The following CES5A variants were observed in gnomAD, a reference collection of about 807,000 sequenced individuals.
CES5A encodes the protein carboxylesterase 5.
Under a neutral mutation model 62.9 loss-of-function variants are expected in CES5A, and 67 were observed. The observed-to-expected ratio is 1.07, with a 90% CI of 0.88 to 1.31. CES5A has a LOEUF of 1.31. CES5A is among the 50% of genes most tolerant of loss of function. The pLI is 0.00. For synonymous variants in CES5A, 296 were observed against 280.8 expected (o/e 1.05, Z -0.54); for missense variants, 748 against 708.5 (o/e 1.06, Z -0.63).
At chr16:55,852,402 T>A (rs1427048246) in intron 10 of CES5A, among the ~76,000 whole-genome samples, 7 of 152,252 alleles carry the variant, frequency 4.6e-5, no homozygotes, top group African/African-American at 1.7e-4. Context: ...ACATATGGTT[T>A]ATTCTGGAAG....
intron 2 of CES5A, among the ~76,000 whole-genome samples, chr16:55,945,022 T>G (rs767245108): frequency 6.6e-6 from 1 of 152,216 alleles, no homozygotes; most frequent in Non-Finnish European, 1.5e-5. Flanking sequence ...CACTCAAGTT[T>G]TCTCTTCTTC....
intron 2 of CES5A, among the ~76,000 whole-genome samples, chr16:55,934,803 C>A (rs1323270217): frequency 6.6e-6 from 1 of 152,154 alleles, no homozygotes; most frequent in African/African-American, 2.4e-5. Context: ...AATCTGGGGG[C>A]CCCAGAGAGC....
chr16:55,953,763 C>T (rs916708821), intron 1 of CES5A, among the ~76,000 whole-genome samples: 1 of 151,954 alleles, frequency 6.6e-6, no homozygotes, highest in Non-Finnish European at 1.5e-5. Flanking sequence ...TATTATGGGA[C>T]ATAGTAGATG....
chr16:55,912,131 C>T (rs1485185529), intron 1 of CES5A, among the ~76,000 whole-genome samples: 2 of 152,152 alleles, frequency 1.3e-5, no homozygotes, highest in Non-Finnish European at 2.9e-5. Context: ...GCCTGACTGT[C>T]GGCATGCAGG....
In CES5A at chr16:55,866,028, C is replaced by T. The variant is rs758817357; in HGVS notation, c.640G>A (p.Gly214Ser). 1.0e-4 allele frequency: 167 copies of T among 1,614,064 alleles called. 1 individual carries two copies. Among genetic ancestry groups the T allele is most frequent in the Admixed American group, 5.2e-4 (31 of 60,002 alleles). ...SWVQKNIEFFGGDPSSVTIFG... is the reference protein window; with the variant it reads ...SWVQKNIEFFSGDPSSVTIFG... ...ATGGTCACAGAGCTGGGGTCCCCACCGAAGAACTCGATGTTCTTCTGGACC... is the reference window on the plus strand; with the variant it reads ...ATGGTCACAGAGCTGGGGTCCCCACTGAAGAACTCGATGTTCTTCTGGACC... Residue 214 changes from glycine to serine, a missense_variant, in exon 5 of 13, where the codon GGT (glycine) becomes AGT (serine). Transcript: ENST00000290567.
chr16:55,869,783 C>T lies in CES5A; in HGVS notation c.418-39G>A, dbSNP rs370935298. ...AAGAGCATCCAGTCAGCCCACCAGG[C>T]ACCACCTCCCCTCCCCATGCAGTTT... On this transcript the variant is annotated intron_variant, in intron 3 of 12. Coordinates refer to ENST00000290567, the MANE Select transcript of CES5A (RefSeq NM_001143685.2). 730 of 1,566,678 alleles carry T rather than the reference C, an allele frequency of 4.7e-4. 2 individuals are homozygous for T. The highest frequency in any genetic ancestry group is 6.1e-4 in the Non-Finnish European group (703 of 1,152,918).
At chr16:55,869,077 A>C (rs2033528247) in intron 4 of CES5A, among the ~76,000 whole-genome samples, 1 of 152,190 alleles carries the variant, frequency 6.6e-6, no homozygotes, top group Non-Finnish European at 1.5e-5. Flanking sequence ...GCTCAGGTAG[A>C]CACCACCGAC....
At chr16:55,849,578 A>G (rs2033085435) in intron 11 of CES5A, 46 bp downstream of exon 11, 1 of 1,601,608 alleles carries the variant, frequency 6.2e-7, no homozygotes, top group Non-Finnish European at 8.5e-7. Context: ...GTGGTGGGGT[A>G]AGCAAGGGGC....
At chr16:55,853,068 A>G (rs759121650) in intron 9 of CES5A, 40 bp from the exon 10 acceptor site, 2 of 1,604,156 alleles carry the variant, frequency 1.2e-6, no homozygotes, top group Non-Finnish European at 1.7e-6. Flanking sequence ...CAGGTCAACC[A>G]CAATGGCCAA....
chr16:55,936,934 G>A (rs1018088179), intron 2 of CES5A, among the ~76,000 whole-genome samples: 6 of 152,228 alleles, frequency 3.9e-5, no homozygotes, highest in Admixed American at 3.3e-4. Context: ...TGGTGAGGGA[G>A]CATTATAATT....
chr16:55,902,853 G>T (rs1050243171), intron 1 of CES5A, among the ~76,000 whole-genome samples: 2 of 152,188 alleles, frequency 1.3e-5, no homozygotes, highest in Non-Finnish European at 2.9e-5. Context: ...GAAGGATGTG[G>T]GGTAGTGAAG....
chr16:55,857,220 G>T (rs2033260592), intron 8 of CES5A, among the ~76,000 whole-genome samples: 2 of 152,182 alleles, frequency 1.3e-5, no homozygotes, highest in Admixed American at 1.3e-4. Context: ...CCTGCCTCAG[G>T]CTCCTCATCT....
chr16:55,856,305 G>T, intron 9 of CES5A, 72 bp downstream of exon 9: 2 of 1,409,238 alleles, frequency 1.4e-6, no homozygotes, highest in Non-Finnish European at 2.0e-6. Context: ...GGCTTCTCCT[G>T]CTGAGTGTGA....
intron 2 of CES5A, among the ~76,000 whole-genome samples, chr16:55,941,381 C>T (rs1306722395): frequency 2.0e-5 from 3 of 151,956 alleles, no homozygotes; most frequent in African/African-American, 7.2e-5. Flanking sequence ...CAATGTCATT[C>T]ACAATACCCC....
chr16:55,848,755 G>A (rs1265366638), intron 11 of CES5A, among the ~76,000 whole-genome samples: 4 of 152,138 alleles, frequency 2.6e-5, no homozygotes, highest in Admixed American at 2.0e-4. Flanking sequence ...ACTTTTTCCA[G>A]TTTAGGGAGT....
chr16:55,875,487 G>A (rs1195267141), upstream of CES5A: 3 of 724,926 alleles, frequency 4.1e-6, no homozygotes, highest in Non-Finnish European at 6.1e-6. Context: ...CTTCCGGGAT[G>A]GGGGAAACAG....
chr16:55,903,457 T>C (rs1162788293), intron 1 of CES5A, among the ~76,000 whole-genome samples: 10 of 152,368 alleles, frequency 6.6e-5, no homozygotes, highest in African/African-American at 2.2e-4. Context: ...TCTGGTCTTG[T>C]TTCTGCCATT....
At chr16:55,922,306 C>T (rs1301096708) in intron 1 of CES5A, among the ~76,000 whole-genome samples, 2 of 151,798 alleles carry the variant, frequency 1.3e-5, no homozygotes, top group African/African-American at 4.8e-5. Context: ...AGAAACCCAC[C>T]TTACCTATAA....
rs563532297 is a variant in CES5A at position 55,897,732 on chromosome 16, C to T, written c.-255-23695G>A. Among the ~76,000 whole-genome samples, 7 of 152,276 alleles carry T rather than the reference C, an allele frequency of 4.6e-5. No individual in the cohort carries two copies. The South Asian group carries it at 1.2e-3, about 27-fold the overall frequency. On this transcript the variant is annotated intron_variant, in intron 1 of 12. Transcript: ENST00000518005. ...TACTGACAGTGGACACATGTCTTTA[C>T]CATCAGATTTTAAAAGTTAATTTGC...
Sources: gnomAD v4.1 joint callset for allele counts (sites outside exome capture counted in the v4.1 genomes callset) on GRCh38, gnomAD v4.1.1 for gene constraint, MANE v1.5 for transcripts, NCBI Gene and HGNC (gene_info 2026-07-23, HGNC 2026-07-21) for gene names.